The following ACSS3 variants were observed in gnomAD, a reference collection of about 807,000 sequenced individuals.
ACSS3 encodes acyl-CoA synthetase short chain family member 3, also known as acyl-CoA synthetase short-chain family member 3, mitochondrial.
A neutral mutation model predicts 84.2 loss-of-function variants in ACSS3; 64 were observed. The observed-to-expected ratio is 0.76, with a 90% confidence interval of 0.62 to 0.94. The LOEUF (loss-of-function observed/expected upper bound fraction) is 0.94. Among genes scored for constraint, ACSS3 ranks in the 40% least tolerant of loss-of-function variants. ACSS3 has a pLI of 0.00. For missense variants in ACSS3, 815 were observed against 867.6 expected, an observed-to-expected ratio of 0.94 and a Z score of 0.76; for synonymous variants, 317 against 310.1, an observed-to-expected ratio of 1.02 and a Z score of -0.23.
chr12:81,242,834 A>G (rs374515365), intron 13 of ACSS3, among the ~76,000 whole-genome samples: 5 of 151,924 alleles, frequency 3.3e-5, no homozygotes, highest in African/African-American at 1.2e-4. Context: ...CCTCTCAATA[A>G]ATTAGATATT....
upstream of ACSS3, chr12:81,077,879 G>T: frequency 2.2e-6 from 1 of 464,584 alleles, no homozygotes; most frequent in Admixed American, 4.0e-5. Flanking sequence ...TCGTGCAGCA[G>T]CGCAACTAAC....
chr12:81,156,788 A>G (rs757737445), intron 7 of ACSS3, among the ~76,000 whole-genome samples: 5 of 152,222 alleles, frequency 3.3e-5, no homozygotes, highest in African/African-American at 4.8e-5. Flanking sequence ...AAGAAAATCC[A>G]ATATGTAATT....
At position 81,259,582 on chromosome 12, in the gene ACSS3, CAGTTTTCACAAA is replaced by C; in HGVS notation, c.*4661_*4672del. 6.7e-7 allele frequency: 1 copy of C among 1,489,174 alleles called. No individual in the cohort carries two copies. Among genetic ancestry groups the C allele is most frequent in the Non-Finnish European group, 9.0e-7 (1 of 1,106,172 alleles). The allele number at this position is 1,489,174 out of a possible 1,614,324, so 92.2% of individuals were successfully genotyped here. ...ATGACGTCATTATTTCCTTAGAATT[CAGTTTTCACAAA>C]GGTTTTCACTGCTCGTCTTCTTAGA... On this transcript the variant is annotated 3_prime_UTR_variant, in exon 16 of 16. Coordinates refer to ENST00000548058, the MANE Select transcript of ACSS3 (RefSeq NM_024560.4).
intron 1 of ACSS3, among the ~76,000 whole-genome samples, chr12:81,089,377 C>A (rs969182327): frequency 7.2e-5 from 11 of 151,804 alleles, no homozygotes; most frequent in Non-Finnish European, 1.6e-4. Flanking sequence ...TGATTAATGG[C>A]ATATGTTAAG....
chr12:81,150,310 G>A (rs1357400654), intron 5 of ACSS3, among the ~76,000 whole-genome samples: 2 of 152,074 alleles, frequency 1.3e-5, no homozygotes, highest in Non-Finnish European at 2.9e-5. Flanking sequence ...ATAACACATG[G>A]ACAGCATATT....
chr12:81,131,963 C>T (rs772564704), intron 2 of ACSS3, among the ~76,000 whole-genome samples: 4 of 152,092 alleles, frequency 2.6e-5, no homozygotes, highest in Non-Finnish European at 4.4e-5. Flanking sequence ...AGCCTTGCAT[C>T]GCAGGGATGA....
At chr12:81,234,289 C>T (rs2033558021) in intron 13 of ACSS3, among the ~76,000 whole-genome samples, 2 of 151,088 alleles carry the variant, frequency 1.3e-5, no homozygotes, top group Middle Eastern at 3.4e-3. Context: ...GTTTACGTAT[C>T]CATTCATGCA....
chr12:81,160,487 T>C (rs1332570144), intron 7 of ACSS3, among the ~76,000 whole-genome samples: 1 of 152,246 alleles, frequency 6.6e-6, no homozygotes. Context: ...CTAGAAATAC[T>C]AACATATGTG....
At chr12:81,188,970 A>G (rs1055928009) in intron 8 of ACSS3, among the ~76,000 whole-genome samples, 21 of 152,090 alleles carry the variant, frequency 1.4e-4, no homozygotes, top group Admixed American at 1.3e-4. Flanking sequence ...CAAAAAGAAT[A>G]TATTAACTTT....
intron 9 of ACSS3, among the ~76,000 whole-genome samples, chr12:81,212,244 C>A (rs901844043): frequency 6.6e-6 from 1 of 152,158 alleles, no homozygotes; most frequent in South Asian, 2.1e-4. Flanking sequence ...GGTCTCCATG[C>A]GGGTAGAAAT....
intron 9 of ACSS3, among the ~76,000 whole-genome samples, chr12:81,208,169 A>G (rs2032429426): frequency 6.6e-6 from 1 of 152,156 alleles, no homozygotes; most frequent in South Asian, 2.1e-4. Context: ...CTCTATGCCC[A>G]TCGTGATGCT....
At chr12:81,171,251 A>C (rs912947209) in intron 7 of ACSS3, among the ~76,000 whole-genome samples, 20 of 152,104 alleles carry the variant, frequency 1.3e-4, no homozygotes, top group African/African-American at 4.8e-4. Context: ...ACAGTTTCTG[A>C]TGAAAGATCT....
chr12:81,094,794 A>G (rs1881922038), intron 1 of ACSS3: 1 of 152,212 alleles, frequency 6.6e-6, no homozygotes, highest in South Asian at 2.1e-4. Context: ...GAAAAAATGT[A>G]TAGTCCTAAA....
rs2034542911 is a variant in ACSS3, at chr12:81,259,024, C to CTGA, written c.*4104_*4106dup. The CTGA allele has an allele frequency of 1.3e-5, 2 of 159,628 alleles. No homozygotes were observed. The highest frequency in any genetic ancestry group is 4.8e-5 in the African/African-American group (2 of 41,454). 9.9% of individuals were successfully genotyped at this position (159,628 alleles called of 1,614,324 possible). On this transcript the variant is annotated 3_prime_UTR_variant, in exon 16 of 16. Transcript: ENST00000548058. ...CTATTTCTAAAGATATAGGACATCC[C>CTGA]TGATTGCCTTTAAAGCTCTATTTTT...
intron 13 of ACSS3, 121 bp downstream of exon 13, chr12:81,233,592 G>T: frequency 2.4e-6 from 3 of 1,275,402 alleles, no homozygotes; most frequent in Non-Finnish European, 3.2e-6. Flanking sequence ...GCAGAGGCTA[G>T]GTTACTCTTA....
Position 81,224,538 on chromosome 12 carries a change from A to G in ACSS3, c.1514+4462A>G, listed in dbSNP as rs1054552519. Among the ~76,000 whole-genome samples the G allele has an allele frequency of 2.8e-5, 4 of 145,450 alleles. No individual in the cohort carries two copies. The South Asian group carries it at 6.6e-4, about 24-fold the overall frequency. ...ATCACATGTTTACATATATATATGC[A>G]TATACATACATACATATATATATAC... On this transcript the variant is annotated intron_variant, in intron 11 of 15. Transcript: ENST00000548058.
intron 13 of ACSS3, among the ~76,000 whole-genome samples, chr12:81,236,909 T>G (rs1362736862): frequency 6.6e-6 from 1 of 151,398 alleles, no homozygotes; most frequent in Non-Finnish European, 1.5e-5. Context: ...GGTCTTATTA[T>G]GACCCAATGA....
At chr12:81,242,093 A>T (rs1393152897) in intron 13 of ACSS3, among the ~76,000 whole-genome samples, 2 of 152,146 alleles carry the variant, frequency 1.3e-5, no homozygotes, top group East Asian at 1.9e-4. Flanking sequence ...TTAAATAGGG[A>T]ATCCTTTCCC....
chr12:81,092,248 C>A (rs1844030491), intron 1 of ACSS3, among the ~76,000 whole-genome samples: 2 of 151,978 alleles, frequency 1.3e-5, no homozygotes, highest in South Asian at 2.1e-4. Flanking sequence ...ATGGACCAGG[C>A]ACTATTCCAG....
Sources: allele counts gnomAD v4.1 joint callset (sites outside exome capture counted in the v4.1 genomes callset), GRCh38; gene constraint gnomAD v4.1.1; transcripts MANE v1.5; gene names NCBI Gene and HGNC (gene_info 2026-07-23, HGNC 2026-07-21).